The following GAB2 variants were observed in gnomAD, a reference collection of about 807,000 sequenced individuals.
The protein encoded by GAB2 is GRB2 associated binding protein 2, also known as GRB2-associated-binding protein 2.
GAB2 carries 26 observed loss-of-function variants against 65.5 expected under a neutral mutation model. The observed-to-expected ratio is 0.40, with a 90% CI of 0.29 to 0.55. The LOEUF is 0.55. Among genes scored for constraint, GAB2 ranks in the 20% least tolerant of loss-of-function variants. The pLI, the probability that GAB2 is intolerant of heterozygous loss-of-function variation, is 0.53. For synonymous variants in GAB2, 321 were observed against 329.6 expected (o/e 0.97, Z 0.28); for missense variants, 884 against 875.8 (o/e 1.01, Z -0.12).
intron 1 of GAB2, among the ~76,000 whole-genome samples, chr11:78,407,556 C>T (rs1489252366): frequency 6.6e-6 from 1 of 151,796 alleles, no homozygotes; most frequent in Non-Finnish European, 1.5e-5. Context: ...TCTATTGAAC[C>T]TGGGACGCAG....
chr11:78,260,367 C>A (rs1369191020), intron 2 of GAB2, among the ~76,000 whole-genome samples: 1 of 152,194 alleles, frequency 6.6e-6, no homozygotes, highest in African/African-American at 2.4e-5. Context: ...TGACACAGCA[C>A]AGTTCCTGGT....
chr11:78,279,866 G>C (rs914027816), intron 2 of GAB2, among the ~76,000 whole-genome samples: 2 of 152,056 alleles, frequency 1.3e-5, no homozygotes, highest in African/African-American at 4.8e-5. Flanking sequence ...GAACATTCTT[G>C]TACAAGTGTT....
At chr11:78,346,073 G>C (rs1856174368) in intron 1 of GAB2, among the ~76,000 whole-genome samples, 1 of 152,260 alleles carries the variant, frequency 6.6e-6, no homozygotes, top group Admixed American at 6.5e-5. Flanking sequence ...GCATCACAGA[G>C]AACAGAGTTT....
intron 1 of GAB2, among the ~76,000 whole-genome samples, chr11:78,385,811 G>C (rs1272090295): frequency 6.6e-6 from 1 of 152,122 alleles, no homozygotes; most frequent in Non-Finnish European, 1.5e-5. Context: ...CCCAATGATA[G>C]GAATCTGTCA....
intron 1 of GAB2, among the ~76,000 whole-genome samples, chr11:78,390,518 G>A (rs1856821399): frequency 6.6e-6 from 1 of 152,172 alleles, no homozygotes; most frequent in South Asian, 2.1e-4. Flanking sequence ...GAACCAGGGA[G>A]GCGGAGGTTG....
At chr11:78,277,411 G>T (rs762361164) in intron 2 of GAB2, among the ~76,000 whole-genome samples, 2 of 152,132 alleles carry the variant, frequency 1.3e-5, no homozygotes, top group African/African-American at 4.8e-5. Flanking sequence ...AGAGTCAGGC[G>T]GTTAAACTCT....
chr11:78,289,719 G>C (rs1415861813), intron 1 of GAB2, among the ~76,000 whole-genome samples: 6 of 150,242 alleles, frequency 4.0e-5, no homozygotes, highest in Admixed American at 6.6e-5. Context: ...AACAGCATGA[G>C]AGAAAGCAAA....
intron 1 of GAB2, among the ~76,000 whole-genome samples, chr11:78,348,924 G>A (rs1856231651): frequency 6.6e-6 from 1 of 152,216 alleles, no homozygotes; most frequent in Non-Finnish European, 1.5e-5. Flanking sequence ...TATGCTGAGT[G>A]AAATAAGCTG....
chr11:78,335,892 C>G (rs933339099), intron 1 of GAB2, among the ~76,000 whole-genome samples: 1 of 151,870 alleles, frequency 6.6e-6, no homozygotes. Context: ...TTTTCTGGTG[C>G]CTTCTTTAGT....
At chr11:78,365,042 G>A (rs1446057179) in intron 1 of GAB2, among the ~76,000 whole-genome samples, 6 of 152,126 alleles carry the variant, frequency 3.9e-5, no homozygotes, top group African/African-American at 2.4e-5. Context: ...ACATGAATAA[G>A]ATCTTTAGTG....
intron 1 of GAB2, among the ~76,000 whole-genome samples, chr11:78,320,771 T>C (rs1036460561): frequency 2.1e-5 from 3 of 144,230 alleles, no homozygotes; most frequent in Non-Finnish European, 4.5e-5. Flanking sequence ...TTTGTCATGT[T>C]GCCCAGGCTG....
chr11:78,279,381 G>A (rs1339428145), intron 2 of GAB2, among the ~76,000 whole-genome samples: 1 of 152,130 alleles, frequency 6.6e-6, no homozygotes, highest in African/African-American at 2.4e-5. Flanking sequence ...ACATGTCCAC[G>A]AACCTGGTCT....
At chr11:78,244,480 A>G (rs1865236053) in intron 3 of GAB2, among the ~76,000 whole-genome samples, 1 of 152,086 alleles carries the variant, frequency 6.6e-6, no homozygotes, top group South Asian at 2.1e-4. Flanking sequence ...GAGTAAAGAG[A>G]CAACCTACTG....
chr11:78,381,691 C>T (rs909039011), intron 1 of GAB2, among the ~76,000 whole-genome samples: 4 of 151,864 alleles, frequency 2.6e-5, no homozygotes, highest in Admixed American at 2.0e-4. Flanking sequence ...AAAAAGGTTC[C>T]ATGTTTGAGC....
rs1454154305 is a variant in GAB2 at position 78,226,839 on chromosome 11, G to A, written c.833C>T (p.Thr278Ile). 6.2e-7 allele frequency: 1 copy of A among 1,614,028 alleles called. No individual in the cohort carries two copies. The highest frequency in any genetic ancestry group is 1.1e-5 in the South Asian group (1 of 91,088). The change falls in exon 4 of 10, where the codon ACC becomes ATC. Residue 278 changes from threonine (T) to isoleucine (I), a missense_variant. By Grantham distance (89) the Thr-to-Ile change is moderately conservative. Transcript: ENST00000361507. The part of the protein sequence containing the change: ...LPRSLASHGH[T>I]KGSLTGSETD... ...CTCGGAGCCTGTGAGGCTGCCCTTG[G>A]TGTGGCCATGGGAGGCCAGGCTGCG...
chr11:78,370,157 T>C (rs1856548354), intron 1 of GAB2, among the ~76,000 whole-genome samples: 2 of 147,224 alleles, frequency 1.4e-5, no homozygotes, highest in African/African-American at 2.5e-5. Context: ...CTTGGGAGGC[T>C]GAGGCAGGAG....
At chr11:78,315,846 GT>G (rs1855592238) in intron 1 of GAB2, among the ~76,000 whole-genome samples, 1 of 152,308 alleles carries the variant, frequency 6.6e-6, no homozygotes, top group African/African-American at 2.4e-5. Flanking sequence ...GCGAAGTACT[GT>G]TTCTGGGTTT....
chr11:78,226,616 T>TGGGGGGGGGGGG lies in GAB2; in HGVS notation c.1055_1056insCCCCCCCCCCCC (p.Pro353_Arg354insProProProPro). The TGGGGGGGGGGGG allele has an allele frequency of 2.0e-6, 1 of 488,460 alleles. No homozygotes were observed. The highest frequency in any genetic ancestry group is 3.2e-6 in the Non-Finnish European group (1 of 313,240). The allele number at this position is 488,460 out of a possible 1,614,324, so 30.3% of individuals were successfully genotyped here. A position where few individuals can be genotyped will look rare whatever the true frequency, so the allele number is the denominator to read the frequency against. ...CCTGACTTGGCTTGGGGGGGCGGGG[T>TGGGGGGGGGGGG]GGGGGAGCTATGGCTGAGTCCCCAG... On this transcript the variant is annotated inframe_insertion, in exon 4 of 10. Transcript: ENST00000361507.
intron 2 of GAB2, among the ~76,000 whole-genome samples, chr11:78,250,655 A>G (rs1396881009): frequency 1.3e-5 from 2 of 151,978 alleles, no homozygotes; most frequent in East Asian, 3.9e-4. Context: ...TATCTGCCCC[A>G]CTTCCAGGAA....
Sources: gnomAD v4.1 joint callset for allele counts (sites outside exome capture counted in the v4.1 genomes callset) on GRCh38, gnomAD v4.1.1 for gene constraint, MANE v1.5 for transcripts, NCBI Gene and HGNC (gene_info 2026-07-23, HGNC 2026-07-21) for gene names.